Variants in LMO3 observed in about 807,000 individuals in gnomAD.
LMO3 encodes the protein LIM domain only protein 3.
LMO3 carries 2 observed loss-of-function variants against 15.8 expected under a neutral mutation model. That is an observed-to-expected ratio of 0.13 (90% CI 0.05 to 0.40). LMO3 has a LOEUF of 0.40. LMO3 is among the 10% of genes least tolerant of loss of function. The probability of loss-of-function intolerance (pLI) is 0.99; values close to 1 mark genes in which losing one functional copy is unlikely to be tolerated. For missense variants in LMO3, 86 were observed against 182.2 expected, an observed-to-expected ratio of 0.47 and a Z score of 3.04; for synonymous variants, 62 against 63.8, an observed-to-expected ratio of 0.97 and a Z score of 0.13.
chr12:16,569,989 A>G (rs1942758995), intron 2 of LMO3, among the ~76,000 whole-genome samples: 1 of 152,186 alleles, frequency 6.6e-6, no homozygotes, highest in African/African-American at 2.4e-5. Context: ...TTATACGAGC[A>G]TAAAAATCTA....
intron 2 of LMO3, chr12:16,594,482 A>G (rs919077949): frequency 7.4e-6 from 3 of 405,052 alleles, no homozygotes; most frequent in African/African-American, 6.0e-5. Flanking sequence ...CAGCATTTAC[A>G]CTTCATATAT....
In LMO3 at chr12:16,576,641, C is replaced by T. The variant is rs1179487461; in HGVS notation, c.207-16103G>A. 6.6e-6 allele frequency among the ~76,000 whole-genome samples: 1 copy of T among 152,150 alleles called. No homozygotes were observed. The highest frequency in any genetic ancestry group is 1.5e-5 in the Non-Finnish European group (1 of 68,016). On this transcript the variant is annotated intron_variant, in intron 2 of 3. Transcript: ENST00000537304. This position sits in a 1 kb window ranked among gnomAD's most constrained non-coding sequence, Gnocchi z 4.1. ...AAGCTCCCTGAAAACTTGCCTTCTC[C>T]TTTACTCTGCACCTAACACATGTGA...
At chr12:16,573,254 A>C (rs1942881430) in intron 2 of LMO3, among the ~76,000 whole-genome samples, 1 of 152,188 alleles carries the variant, frequency 6.6e-6, no homozygotes, top group South Asian at 2.1e-4. Flanking sequence ...AATATTGAAT[A>C]AGGCAGGTCC....
At chr12:16,565,505 A>G (rs1942569160) in intron 2 of LMO3, among the ~76,000 whole-genome samples, 1 of 152,208 alleles carries the variant, frequency 6.6e-6, no homozygotes, top group South Asian at 2.1e-4. Context: ...GGTTCTCAGC[A>G]TGTGCTCCAC....
At chr12:16,553,868 A>G (rs1033250905) in intron 3 of LMO3, among the ~76,000 whole-genome samples, 10 of 138,028 alleles carry the variant, frequency 7.2e-5, no homozygotes, top group African/African-American at 2.8e-4. Context: ...CATTTGCAGG[A>G]AAAAAAAAAA....
intron 2 of LMO3, among the ~76,000 whole-genome samples, chr12:16,570,997 A>G (rs187971865): frequency 6.6e-6 from 1 of 152,304 alleles, no homozygotes; most frequent in East Asian, 1.9e-4. Flanking sequence ...ACTAACCTGC[A>G]CATTGTGCAC....
At chr12:16,557,215 TA>T (rs1370807365) in intron 3 of LMO3, among the ~76,000 whole-genome samples, 1 of 152,130 alleles carries the variant, frequency 6.6e-6, no homozygotes, top group Non-Finnish European at 1.5e-5. Flanking sequence ...ATGGATAAAA[TA>T]GGTAACCCTA....
At position 16,582,024 on chromosome 12, in the gene LMO3, A is replaced by C. The variant is rs1022236250; in HGVS notation, c.206+18631T>G. Among the ~76,000 whole-genome samples, 2 of 152,146 alleles carry C rather than the reference A, an allele frequency of 1.3e-5. No homozygotes were observed. Among genetic ancestry groups the C allele is most frequent in the Non-Finnish European group, 2.9e-5 (2 of 68,014 alleles). ...TTATTACATTGGCTAGACCCTTTAA[A>C]ACATTAAATATGAGGGACAATAATG... On this transcript the variant is annotated intron_variant, in intron 2 of 3. Coordinates refer to ENST00000537304, the MANE Select transcript of LMO3 (RefSeq NM_018640.5). The surrounding 1 kb of genome is among the most constrained non-coding windows in gnomAD (Gnocchi z 4.1).
chr12:16,559,210 GT>G lies in LMO3; in HGVS notation c.332+1202del, dbSNP rs1942300859. Among the ~76,000 whole-genome samples the G allele has an allele frequency of 6.6e-6, 1 of 152,022 alleles. No individual in the cohort carries two copies. Among genetic ancestry groups the G allele is most frequent in the East Asian group, 1.9e-4 (1 of 5,194 alleles). On this transcript the variant is annotated intron_variant, in intron 3 of 3. Coordinates refer to ENST00000537304, the MANE Select transcript of LMO3 (RefSeq NM_018640.5). This position sits in a 1 kb window ranked among gnomAD's most constrained non-coding sequence, Gnocchi z 4.1. Reference sequence around the variant, plus strand: ...TCATTTTCATTAAAATCTATCAAGTGTTCTAATTTTTGAAATGTTGTATTTT... The same window carrying G: ...TCATTTTCATTAAAATCTATCAAGTGTCTAATTTTTGAAATGTTGTATTTT...
In LMO3 at chr12:16,586,691, A is replaced by C. The variant is rs528347047; in HGVS notation, c.206+13964T>G. 3.3e-5 allele frequency among the ~76,000 whole-genome samples: 5 copies of C among 152,256 alleles called. No individual in the cohort carries two copies. In the South Asian group the frequency reaches 1.0e-3, roughly 32 times the overall value. On this transcript the variant is annotated intron_variant, in intron 2 of 3. Transcript: ENST00000537304. This position sits in a 1 kb window ranked among gnomAD's most constrained non-coding sequence, Gnocchi z 4.3. ...TCGGGGTAGAGATTTCAAGATACAC[A>C]TCTTTTGACCCCCCATTGCAGTAGA...
rs1035513416 is a variant in LMO3 at position 16,587,800 on chromosome 12, T to A, written c.206+12855A>T. ...TCTGTCTAAAAATCTCACTGTGTCCTGAATGGGGGGTTTCAGGGGGAGGGA... is the reference window on the plus strand; with the variant it reads ...TCTGTCTAAAAATCTCACTGTGTCCAGAATGGGGGGTTTCAGGGGGAGGGA... On this transcript the variant is annotated intron_variant, in intron 2 of 3. Coordinates refer to ENST00000537304, the MANE Select transcript of LMO3 (RefSeq NM_018640.5). This position sits in a 1 kb window ranked among gnomAD's most constrained non-coding sequence, Gnocchi z 4.3. Among the ~76,000 whole-genome samples, 10 of 151,940 alleles carry A rather than the reference T, an allele frequency of 6.6e-5. No individual in the cohort carries two copies. The South Asian group carries it at 1.9e-3, about 28-fold the overall frequency.
rs766001281 is a variant in LMO3, at chr12:16,600,765, G to A, written c.96C>T (p.Tyr32=). ...DRYLLKALDK[Y]WHEDCLKCAC... ...CACACTTCAGGCAGTCTTCATGCCA[G>A]TATTTGTCCAGTGCCTTTAGAAGAT... is the stretch of plus-strand genomic sequence containing the variant. Residue 32 remains tyrosine (Y), a synonymous_variant, in exon 2 of 4, where the codon TAC becomes TAT. Transcript: ENST00000537304. 3 of 1,614,034 alleles carry A rather than the reference G, an allele frequency of 1.9e-6. No homozygotes were observed. The highest frequency in any genetic ancestry group is 2.2e-5 in the East Asian group (1 of 44,888).
intron 2 of LMO3, chr12:16,600,418 C>T (rs10846382): frequency 0.86 from 393,201 of 456,682 alleles, 169,794 homozygotes; most frequent in Non-Finnish European, 0.88. Context: ...CCATAACCAA[C>T]TGCCTGAGTG....
At chr12:16,606,805 G>A (rs1426703102), upstream of LMO3, 1 of 152,188 alleles carries the variant, frequency 6.6e-6, no homozygotes. Flanking sequence ...GTCGACTGAG[G>A]AAGGACCCTA....
At chr12:16,561,930 A>C (rs112647620) in intron 2 of LMO3, among the ~76,000 whole-genome samples, 18 of 152,360 alleles carry the variant, frequency 1.2e-4, no homozygotes, top group African/African-American at 3.8e-4. Flanking sequence ...CGAAGTTTAC[A>C]TTCAAGAAGA....
Position 16,606,102 on chromosome 12 carries a change from T to G in LMO3, c.-45A>C, listed in dbSNP as rs535074309. ...AGCGATACAGGGGGAGGCCGTTCAG[T>G]AAGCACAGTGGCTGCTTTGTAGCGC... is the stretch of plus-strand genomic sequence containing the variant. On this transcript the variant is annotated 5_prime_UTR_variant, in exon 1 of 4. Coordinates refer to ENST00000537304, the MANE Select transcript of LMO3 (RefSeq NM_018640.5). 7 of 376,238 alleles carry G rather than the reference T, an allele frequency of 1.9e-5. No homozygotes were observed. The highest frequency in any genetic ancestry group is 3.4e-5 in the Non-Finnish European group (7 of 208,558). 23.3% of individuals were successfully genotyped at this position (376,238 alleles called of 1,614,324 possible). A position where few individuals can be genotyped will look rare whatever the true frequency, so the allele number is the denominator to read the frequency against.
intron 2 of LMO3, among the ~76,000 whole-genome samples, chr12:16,568,083 A>C (rs189206032): frequency 4.6e-4 from 70 of 152,322 alleles, no homozygotes; most frequent in Admixed American, 3.8e-3. Context: ...AGAAAATAAA[A>C]AGGAATACTA....
chr12:16,554,089 TG>T (rs1047392442), intron 3 of LMO3, among the ~76,000 whole-genome samples: 4 of 152,228 alleles, frequency 2.6e-5, no homozygotes, highest in African/African-American at 9.6e-5. Context: ...TCTGATGTTT[TG>T]GAATTAATAT....
At position 16,591,906 on chromosome 12, in the gene LMO3, C is replaced by T. The variant is rs1374081866; in HGVS notation, c.206+8749G>A. Reference sequence around the variant, plus strand: ...TATTTTCTAATCTCTCCTGATCATACCTCTTGTCATTCTCTATATTGGTTC... The same window carrying T: ...TATTTTCTAATCTCTCCTGATCATATCTCTTGTCATTCTCTATATTGGTTC... On this transcript the variant is annotated intron_variant, in intron 2 of 3. Transcript: ENST00000537304. This position sits in a 1 kb window ranked among gnomAD's most constrained non-coding sequence, Gnocchi z 4.1. Among the ~76,000 whole-genome samples, 1 of 151,994 alleles carries T rather than the reference C, an allele frequency of 6.6e-6. No individual in the cohort carries two copies. The highest frequency in any genetic ancestry group is 1.5e-5 in the Non-Finnish European group (1 of 67,960).
Sources: gnomAD v4.1 joint callset for allele counts (sites outside exome capture counted in the v4.1 genomes callset) on GRCh38, gnomAD v4.1.1 for gene constraint, Gnocchi (gnomAD v3.1) non-coding constraint, MANE v1.5 for transcripts, NCBI Gene and HGNC (gene_info 2026-07-23, HGNC 2026-07-21) for gene names.